Variants in EYS observed in about 807,000 individuals in gnomAD.
EYS encodes protein eyes shut homolog.
In EYS, 250 loss-of-function variants were observed where a neutral mutation model predicts 282.1. The ratio of observed to expected loss-of-function variants is 0.89; its 90% CI spans 0.80 to 0.98. The LOEUF (loss-of-function observed/expected upper bound fraction) is 0.98. Ranked by LOEUF, EYS falls within the 50% of genes least tolerant of loss-of-function variation. The pLI, the probability that EYS is intolerant of heterozygous loss-of-function variation, is 0.00. For missense variants in EYS, 4,016 were observed against 3,709.0 expected (o/e 1.08, Z -2.15); for synonymous variants, 1,355 against 1,282.9 (o/e 1.06, Z -1.20).
chr6:64,103,946 T>C (rs1280671465), intron 31 of EYS, among the ~76,000 whole-genome samples: 1 of 152,034 alleles, frequency 6.6e-6, no homozygotes, highest in African/African-American at 2.4e-5. Context: ...GATCTTAAGG[T>C]GAAACAGCAA....
At chr6:65,278,306 T>G (rs1447219839) in intron 12 of EYS, among the ~76,000 whole-genome samples, 1 of 41,788 alleles carries the variant, frequency 2.4e-5, no homozygotes, top group African/African-American at 4.6e-5. Context: ...TAGAAATTTA[T>G]ATATATTCTA....
chr6:64,615,442 C>T (rs748985483), intron 24 of EYS, among the ~76,000 whole-genome samples: 3 of 151,982 alleles, frequency 2.0e-5, no homozygotes, highest in Non-Finnish European at 2.9e-5. Flanking sequence ...TAACGTGCTA[C>T]AAATATTTTA....
At chr6:64,528,558 T>A (rs1481915792) in intron 26 of EYS, among the ~76,000 whole-genome samples, 1 of 152,026 alleles carries the variant, frequency 6.6e-6, no homozygotes, top group African/African-American at 2.4e-5. Context: ...TTATCTTAAT[T>A]TATGTCAAAC....
intron 12 of EYS, among the ~76,000 whole-genome samples, chr6:65,185,793 C>T (rs1765503388): frequency 6.6e-6 from 1 of 151,592 alleles, no homozygotes. Context: ...TTGATTGTTA[C>T]CTGGCTACTA....
At chr6:64,997,549 A>C in intron 14 of EYS, 33 bp downstream of exon 14, 5 of 1,545,534 alleles carry the variant, frequency 3.2e-6, no homozygotes, top group African/African-American at 1.4e-5. Context: ...ATTAGTCCAC[A>C]TTTAGGTATA....
chr6:63,728,789 T>G (rs1038141923), intron 41 of EYS, among the ~76,000 whole-genome samples: 1 of 152,178 alleles, frequency 6.6e-6, no homozygotes, highest in Non-Finnish European at 1.5e-5. Flanking sequence ...TTTTCCAGTA[T>G]ATCATATAGT....
intron 40 of EYS, among the ~76,000 whole-genome samples, chr6:63,767,611 T>A (rs1437311067): frequency 6.6e-6 from 1 of 152,076 alleles, no homozygotes; most frequent in Non-Finnish European, 1.5e-5. Flanking sequence ...GATTTCCTGC[T>A]CATGGAAAGG....
chr6:64,552,737 C>T (rs990282372), intron 26 of EYS, among the ~76,000 whole-genome samples: 5 of 140,010 alleles, frequency 3.6e-5, no homozygotes, highest in Admixed American at 7.1e-5. Flanking sequence ...ACATGGTGAA[C>T]CCCCCCCACC....
chr6:63,853,798 G>A (rs1456247711), intron 36 of EYS, among the ~76,000 whole-genome samples: 1 of 152,128 alleles, frequency 6.6e-6, no homozygotes, highest in Non-Finnish European at 1.5e-5. Context: ...GTAGGCCAAT[G>A]GAACAGAACA....
chr6:65,144,904 G>A (rs1335460175), intron 12 of EYS, among the ~76,000 whole-genome samples: 1 of 151,488 alleles, frequency 6.6e-6, no homozygotes, highest in Non-Finnish European at 1.5e-5. Context: ...AAAGTAGTTG[G>A]GATTATAGGC....
chr6:65,553,296 G>T (rs1768668218), intron 2 of EYS, among the ~76,000 whole-genome samples: 1 of 152,162 alleles, frequency 6.6e-6, no homozygotes, highest in Non-Finnish European at 1.5e-5. Flanking sequence ...GGCAACAGAA[G>T]ATCACAGCAA....
chr6:64,472,569 T>C (rs1776151217), intron 26 of EYS, among the ~76,000 whole-genome samples: 1 of 152,214 alleles, frequency 6.6e-6, no homozygotes, highest in Admixed American at 6.5e-5. Context: ...ACTTTAAGTC[T>C]GTTTGCTCAT....
intron 2 of EYS, among the ~76,000 whole-genome samples, chr6:65,537,400 A>C (rs899486119): frequency 2.6e-5 from 4 of 152,276 alleles, no homozygotes; most frequent in Admixed American, 1.3e-4. Flanking sequence ...GTGTATATGT[A>C]AATTAAACCC....
intron 12 of EYS, among the ~76,000 whole-genome samples, chr6:65,292,776 A>G (rs1007076048): frequency 2.0e-5 from 3 of 151,742 alleles, no homozygotes; most frequent in Non-Finnish European, 4.4e-5. Context: ...GCAGACAAGG[A>G]AAGGAAAGGG....
intron 7 of EYS, among the ~76,000 whole-genome samples, chr6:65,401,928 A>G (rs1002680613): frequency 1.3e-5 from 2 of 151,926 alleles, no homozygotes; most frequent in Non-Finnish European, 2.9e-5. Context: ...CTATAAAGCT[A>G]TTTAAAATTG....
chr6:64,823,549 GCC>G (rs1223281618), intron 19 of EYS, among the ~76,000 whole-genome samples: 1 of 151,834 alleles, frequency 6.6e-6, no homozygotes, highest in East Asian at 1.9e-4. Flanking sequence ...TAATTTCTTT[GCC>G]CATTACATCC....
intron 2 of EYS, among the ~76,000 whole-genome samples, chr6:65,624,360 A>G (rs1034667611): frequency 7.2e-5 from 11 of 152,170 alleles, no homozygotes; most frequent in African/African-American, 2.4e-4. Context: ...GAAACTTTGC[A>G]GAGGTGATGA....
chr6:63,829,023 G>A (rs1253552287), intron 36 of EYS, among the ~76,000 whole-genome samples: 1 of 152,164 alleles, frequency 6.6e-6, no homozygotes, highest in African/African-American at 2.4e-5. Context: ...AAAGATACTT[G>A]CACATGCATG....
rs776867269 is a variant in EYS, at chr6:63,868,953, C to A, written c.7056-4595G>T. Among the ~76,000 whole-genome samples, 4 of 152,150 alleles carry A rather than the reference C, an allele frequency of 2.6e-5. No homozygotes were observed. The South Asian group carries it at 8.3e-4, about 32-fold the overall frequency. On this transcript the variant is annotated intron_variant, in intron 35 of 42. Transcript: ENST00000503581. ...TTTTGTGCTGTAAGGCACACCACTA[C>A]GTGTGTCATTTTTCATTTATAACTT... is the stretch of plus-strand genomic sequence containing the variant.
Sources: allele counts gnomAD v4.1 joint callset (sites outside exome capture counted in the v4.1 genomes callset), GRCh38; gene constraint gnomAD v4.1.1; transcripts MANE v1.5; gene names NCBI Gene and HGNC (gene_info 2026-07-23, HGNC 2026-07-21).